The following PTPRD variants were observed in gnomAD, a reference collection of about 807,000 sequenced individuals.
PTPRD encodes the protein receptor-type tyrosine-protein phosphatase delta.
Under a neutral mutation model 214.5 loss-of-function variants are expected in PTPRD, and 34 were observed. The observed-to-expected ratio is 0.16, with a 90% CI of 0.12 to 0.21. The LOEUF (loss-of-function observed/expected upper bound fraction) is 0.21, where lower values mean the gene tolerates loss of function less well. Among genes scored for constraint, PTPRD ranks in the 10% least tolerant of loss-of-function variants. PTPRD has a pLI of 1.00. For synonymous variants in PTPRD, 1,128 were observed against 845.7 expected (o/e 1.33, Z -5.79); for missense variants, 2,545 against 2,398.7 (o/e 1.06, Z -1.27).
At chr9:8,860,060 C>T (rs901443241) in intron 11 of PTPRD, 4 of 152,212 alleles carry the variant, frequency 2.6e-5, no homozygotes, top group African/African-American at 9.6e-5. Context: ...AAGATGTAAA[C>T]TCCTACTTGG....
At position 10,612,830 on chromosome 9, in the gene PTPRD, C is replaced by T. The variant is rs543851768; in HGVS notation, c.-850G>A. 4 of 152,254 alleles carry T rather than the reference C, an allele frequency of 2.6e-5. No individual in the cohort carries two copies. Among genetic ancestry groups the T allele is most frequent in the South Asian group, 2.1e-4 (1 of 4,828 alleles). The allele number at this position is 152,254 out of a possible 1,614,324, so 9.4% of individuals were successfully genotyped here. The stretch of plus-strand genomic sequence containing the variant: ...GAGGCCGATGAGCGGCTCCCGGCTC[C>T]TCGGAGAAGCAGCCGAGACGGCAAG... On this transcript the variant is annotated 5_prime_UTR_variant, in exon 1 of 46. Transcript: ENST00000381196.
intron 3 of PTPRD, among the ~76,000 whole-genome samples, chr9:10,205,478 T>C (rs1039030269): frequency 1.3e-5 from 2 of 151,986 alleles, no homozygotes; most frequent in Non-Finnish European, 2.9e-5. Flanking sequence ...TGATCTTGGC[T>C]CACTGCAACC....
intron 8 of PTPRD, among the ~76,000 whole-genome samples, chr9:9,437,437 T>C (rs1334826011): frequency 2.2e-5 from 1 of 45,276 alleles, no homozygotes; most frequent in Non-Finnish European, 4.6e-5. Context: ...AGTAATGAGG[T>C]GTATCAGGTT....
At chr9:9,713,288 T>C (rs1381300840) in intron 7 of PTPRD, among the ~76,000 whole-genome samples, 1 of 152,134 alleles carries the variant, frequency 6.6e-6, no homozygotes, top group African/African-American at 2.4e-5. Context: ...AACAGAATCA[T>C]AGACCAAGAA....
At chr9:9,320,382 A>T (rs1002718637) in intron 9 of PTPRD, among the ~76,000 whole-genome samples, 4 of 152,190 alleles carry the variant, frequency 2.6e-5, no homozygotes, top group Non-Finnish European at 5.9e-5. Flanking sequence ...CATGAAACTT[A>T]TACACAAAAA....
At chr9:9,667,448 C>T (rs972605989) in intron 7 of PTPRD, among the ~76,000 whole-genome samples, 1 of 151,860 alleles carries the variant, frequency 6.6e-6, no homozygotes, top group South Asian at 2.1e-4. Context: ...CTGGTTTGCC[C>T]GAAAGTCATA....
intron 2 of PTPRD, among the ~76,000 whole-genome samples, chr9:10,397,381 G>T (rs1312475279): frequency 6.6e-6 from 1 of 151,990 alleles, no homozygotes; most frequent in Non-Finnish European, 1.5e-5. Flanking sequence ...TGCTGTACTT[G>T]TTACCTAGCA....
intron 6 of PTPRD, among the ~76,000 whole-genome samples, chr9:9,766,329 A>G (rs1042265017): frequency 1.3e-5 from 2 of 152,106 alleles, no homozygotes; most frequent in Admixed American, 6.5e-5. Flanking sequence ...TATACTGTTT[A>G]CTGAGCTGTT....
At chr9:9,237,376 G>C (rs974319042) in intron 9 of PTPRD, among the ~76,000 whole-genome samples, 3 of 152,122 alleles carry the variant, frequency 2.0e-5, no homozygotes, top group Non-Finnish European at 2.9e-5. Flanking sequence ...GCTGCAGTTA[G>C]CTATGATCAT....
intron 7 of PTPRD, among the ~76,000 whole-genome samples, chr9:9,648,123 T>C (rs978285152): frequency 3.3e-5 from 5 of 152,180 alleles, no homozygotes; most frequent in Non-Finnish European, 5.9e-5. Context: ...ATTTTTGTCA[T>C]ATATTTATTT....
At chr9:10,122,770 C>T (rs1368073119) in intron 3 of PTPRD, among the ~76,000 whole-genome samples, 3 of 152,152 alleles carry the variant, frequency 2.0e-5, no homozygotes, top group African/African-American at 7.2e-5. Context: ...GCCATACTCA[C>T]GAAAGGGACC....
At chr9:10,074,454 T>A (rs574882906) in intron 3 of PTPRD, among the ~76,000 whole-genome samples, 1 of 152,256 alleles carries the variant, frequency 6.6e-6, no homozygotes. Context: ...TTTGGATCTC[T>A]GGAACTTCTA....
At position 9,177,053 on chromosome 9, in the gene PTPRD, A is replaced by G. The variant is rs2099925338; in HGVS notation, c.-143+6251T>C. Among the ~76,000 whole-genome samples, 2 of 152,116 alleles carry G rather than the reference A, an allele frequency of 1.3e-5. 1 individual carries two copies. Among genetic ancestry groups the G allele is most frequent in the South Asian group, 4.1e-4 (2 of 4,830 alleles). On this transcript the variant is annotated intron_variant, in intron 10 of 45. Transcript: ENST00000381196. ...ATACTGCTATAAAGAACTGCCCAAG[A>G]CTGGGTAATTTATAAAGAAAAGAGG...
chr9:9,643,636 G>A (rs1014866783), intron 7 of PTPRD, among the ~76,000 whole-genome samples: 1 of 152,114 alleles, frequency 6.6e-6, no homozygotes, highest in Admixed American at 6.6e-5. Context: ...ATGGAAAAGA[G>A]AATCAAACGA....
At position 8,449,780 on chromosome 9, in the gene PTPRD, AG is replaced by A; in HGVS notation, c.3932del (p.Pro1311LeufsTer9). 1 of 1,614,094 alleles carries A rather than the reference AG, an allele frequency of 6.2e-7. No individual in the cohort carries two copies. On this transcript the variant is annotated frameshift_variant, in exon 34 of 46. Coordinates refer to ENST00000381196, the MANE Select transcript of PTPRD (RefSeq NM_002839.4). LOFTEE classifies it high-confidence loss of function. ...CTACAGGGTCTGTTGGGTGGTGTGAAGGGATCTCCTTATTGTTCGGTATGCT... is the reference window on the plus strand; with the variant it reads ...CTACAGGGTCTGTTGGGTGGTGTGAAGGATCTCCTTATTGTTCGGTATGCT... ...KSSIPNNKEI[P>X]SHHPTDPVEL...
intron 5 of PTPRD, among the ~76,000 whole-genome samples, chr9:9,888,716 GGC>G (rs2071970505): frequency 6.6e-6 from 1 of 152,098 alleles, no homozygotes; most frequent in African/African-American, 2.4e-5. Context: ...CTTCTCATAT[GGC>G]TGAACCATGA....
chr9:10,276,363 A>G (rs2094690816), intron 3 of PTPRD, among the ~76,000 whole-genome samples: 1 of 152,204 alleles, frequency 6.6e-6, no homozygotes, highest in African/African-American at 2.4e-5. Context: ...GGACAATGCA[A>G]GAGAAAAGTA....
In PTPRD at chr9:10,192,012, G is replaced by A. The variant is rs150430978; in HGVS notation, c.-545+148951C>T. Among the ~76,000 whole-genome samples the A allele has an allele frequency of 2.5e-3, 380 of 152,170 alleles. 5 individuals carry two copies. Among genetic ancestry groups the A allele is most frequent in the African/African-American group, 8.5e-3 (352 of 41,520 alleles). Reference sequence around the variant, plus strand: ...TGAATTATTAGAAATTGTTTTGTTGGTAATCAAATGAATACTTGAAGAAAG... The same window carrying A: ...TGAATTATTAGAAATTGTTTTGTTGATAATCAAATGAATACTTGAAGAAAG... On this transcript the variant is annotated intron_variant, in intron 3 of 45. Transcript: ENST00000381196.
intron 3 of PTPRD, among the ~76,000 whole-genome samples, chr9:10,193,483 T>G (rs892639265): frequency 9.1e-4 from 139 of 152,186 alleles, no homozygotes; most frequent in African/African-American, 3.2e-3. Flanking sequence ...ACAGAGTAAT[T>G]GTCAAAAGGC....
Sources: allele counts gnomAD v4.1 joint callset (sites outside exome capture counted in the v4.1 genomes callset), GRCh38; gene constraint gnomAD v4.1.1; transcripts MANE v1.5; gene names NCBI Gene and HGNC (gene_info 2026-07-23, HGNC 2026-07-21).